DLG2: variants seen among roughly 807,000 people sequenced by gnomAD.
DLG2 encodes discs large MAGUK scaffold protein 2, also known as disks large homolog 2.
A neutral mutation model predicts 132.5 loss-of-function variants in DLG2; 45 were observed. The observed-to-expected ratio is 0.34, with a 90% CI of 0.27 to 0.44. The LOEUF (loss-of-function observed/expected upper bound fraction) is 0.44. Among genes scored for constraint, DLG2 ranks in the 20% least tolerant of loss-of-function variants. The pLI, the probability that DLG2 is intolerant of heterozygous loss-of-function variation, is 1.00. For missense variants in DLG2, 1,045 were observed against 1,196.9 expected, an observed-to-expected ratio of 0.87 and a Z score of 1.87; for synonymous variants, 424 against 419.6, an observed-to-expected ratio of 1.01 and a Z score of -0.13.
chr11:85,622,130 A>T (rs1347227728), intron 2 of DLG2, among the ~76,000 whole-genome samples: 1 of 152,230 alleles, frequency 6.6e-6, no homozygotes, highest in African/African-American at 2.4e-5. Flanking sequence ...TCATATGATC[A>T]TTAGCATTTT....
At chr11:83,513,241 G>T (rs1328012931) in intron 21 of DLG2, among the ~76,000 whole-genome samples, 1 of 152,162 alleles carries the variant, frequency 6.6e-6, no homozygotes, top group African/African-American at 2.4e-5. Context: ...GTGTGAGATG[G>T]TATCTCATTG....
chr11:85,324,296 A>T (rs188523220), intron 3 of DLG2, among the ~76,000 whole-genome samples: 1 of 152,136 alleles, frequency 6.6e-6, no homozygotes, highest in Admixed American at 6.5e-5. Context: ...CGCCTTGTTG[A>T]CATCACACCT....
chr11:85,259,151 T>C (rs1461498118), intron 4 of DLG2, among the ~76,000 whole-genome samples: 5 of 152,112 alleles, frequency 3.3e-5, no homozygotes, highest in Non-Finnish European at 7.4e-5. Flanking sequence ...TGAGAGGTCA[T>C]TGGATTATGG....
chr11:83,563,181 G>A (rs1011532473), intron 19 of DLG2, among the ~76,000 whole-genome samples: 2 of 151,946 alleles, frequency 1.3e-5, no homozygotes, highest in African/African-American at 2.4e-5. Flanking sequence ...GTTTCACCAT[G>A]TTAGCCAGGA....
chr11:85,301,679 C>T (rs1383080855), intron 3 of DLG2, among the ~76,000 whole-genome samples: 4 of 152,178 alleles, frequency 2.6e-5, no homozygotes, highest in Non-Finnish European at 5.9e-5. Flanking sequence ...GGACTTGAAT[C>T]TCCTGGTTCC....
At chr11:84,715,607 T>C (rs2061133518) in intron 6 of DLG2, among the ~76,000 whole-genome samples, 1 of 152,102 alleles carries the variant, frequency 6.6e-6, no homozygotes, top group African/African-American at 2.4e-5. Context: ...ATTCCACATA[T>C]AAGTGAGGTC....
intron 17 of DLG2, among the ~76,000 whole-genome samples, chr11:83,825,197 T>G: frequency 1.0e-5 from 1 of 95,710 alleles, no homozygotes; most frequent in African/African-American, 4.5e-5. Context: ...TTTTTTTTTT[T>G]TGAGATGGAA....
intron 18 of DLG2, among the ~76,000 whole-genome samples, chr11:83,760,600 C>T (rs909041461): frequency 1.3e-5 from 2 of 152,244 alleles, no homozygotes; most frequent in South Asian, 4.1e-4. Context: ...AGGTGATCCA[C>T]CTGCCTCGGC....
intron 7 of DLG2, among the ~76,000 whole-genome samples, chr11:84,313,689 A>AAAG (rs1567261581): frequency 2.6e-4 from 24 of 93,344 alleles, no homozygotes; most frequent in African/African-American, 7.4e-4. Flanking sequence ...AAGAAAGAAA[A>AAAG]AGAAAGAGGA....
At chr11:84,383,471 CAA>C (rs1021872824) in intron 7 of DLG2, among the ~76,000 whole-genome samples, 5 of 151,634 alleles carry the variant, frequency 3.3e-5, no homozygotes, top group Admixed American at 2.0e-4. Flanking sequence ...CATTAAATGG[CAA>C]AAAAGATGGG....
At chr11:85,596,438 A>C (rs1339923184) in intron 3 of DLG2, among the ~76,000 whole-genome samples, 1 of 152,154 alleles carries the variant, frequency 6.6e-6, no homozygotes, top group African/African-American at 2.4e-5. Context: ...ATCTGTAGAG[A>C]GAGGGACTGG....
At chr11:84,914,025 C>G (rs2092296539) in intron 6 of DLG2, among the ~76,000 whole-genome samples, 1 of 152,134 alleles carries the variant, frequency 6.6e-6, no homozygotes, top group African/African-American at 2.4e-5. Context: ...AATGTAAGTA[C>G]TCCTTGAAAA....
intron 4 of DLG2, among the ~76,000 whole-genome samples, chr11:85,211,145 C>T (rs536727637): frequency 6.6e-6 from 1 of 152,226 alleles, no homozygotes; most frequent in East Asian, 1.9e-4. Context: ...TAGAATGATG[C>T]TTGCAAAGAC....
chr11:85,412,756 CACACATAT>C (rs1292993985), intron 3 of DLG2, among the ~76,000 whole-genome samples: 1 of 123,368 alleles, frequency 8.1e-6, no homozygotes, highest in Non-Finnish European at 1.7e-5. Flanking sequence ...CACACACACA[CACACATAT>C]ATATATATAT....
At chr11:85,073,478 C>T (rs568059666) in intron 6 of DLG2, among the ~76,000 whole-genome samples, 4 of 151,704 alleles carry the variant, frequency 2.6e-5, no homozygotes, top group Non-Finnish European at 2.9e-5. Flanking sequence ...AAAACTCTTA[C>T]CAGAGTTCCT....
chr11:84,931,364 G>A (rs760847551), intron 6 of DLG2, among the ~76,000 whole-genome samples: 31 of 151,978 alleles, frequency 2.0e-4, no homozygotes, highest in Admixed American at 6.6e-5. Context: ...TCCCCTCTAT[G>A]TGTCCGTGTT....
At chr11:84,337,160 T>C (rs2098489308) in intron 7 of DLG2, among the ~76,000 whole-genome samples, 1 of 152,180 alleles carries the variant, frequency 6.6e-6, no homozygotes, top group South Asian at 2.1e-4. Context: ...TAAAATTACG[T>C]TATGGGCTAC....
intron 18 of DLG2, among the ~76,000 whole-genome samples, chr11:83,688,829 G>A (rs1046533033): frequency 2.6e-5 from 4 of 151,790 alleles, no homozygotes; most frequent in African/African-American, 9.7e-5. Context: ...TCTAATTTGG[G>A]GACCACCAAT....
intron 7 of DLG2, among the ~76,000 whole-genome samples, chr11:84,296,451 C>A (rs1182953431): frequency 1.3e-5 from 2 of 151,958 alleles, no homozygotes; most frequent in African/African-American, 4.8e-5. Context: ...TTTTTTCTCT[C>A]TTTGAGTTGG....
Sources: allele counts gnomAD v4.1 joint callset (sites outside exome capture counted in the v4.1 genomes callset), GRCh38; gene constraint gnomAD v4.1.1; transcripts MANE v1.5; gene names NCBI Gene and HGNC (gene_info 2026-07-23, HGNC 2026-07-21).